The following DLG5 variants were observed in gnomAD, a reference collection of about 807,000 sequenced individuals.
The protein encoded by DLG5 is disks large homolog 5.
DLG5 carries 48 observed loss-of-function variants against 189.8 expected under a neutral mutation model. The ratio of observed to expected loss-of-function variants is 0.25; its 90% CI spans 0.20 to 0.32. DLG5 has a LOEUF of 0.32. Among genes scored for constraint, DLG5 ranks in the 10% least tolerant of loss-of-function variants. The pLI is 1.00. For missense variants in DLG5, 2,160 were observed against 2,544.7 expected, an observed-to-expected ratio of 0.85 and a Z score of 3.25; for synonymous variants, 1,016 against 1,054.1, an observed-to-expected ratio of 0.96 and a Z score of 0.70.
At chr10:77,852,509 G>A (rs1431143767) in intron 5 of DLG5, among the ~76,000 whole-genome samples, 5 of 152,062 alleles carry the variant, frequency 3.3e-5, no homozygotes, top group East Asian at 3.9e-4. Flanking sequence ...TCTGCCTGCC[G>A]GGTTCACGCC....
intron 1 of DLG5, among the ~76,000 whole-genome samples, chr10:77,923,460 C>A (rs1194555915): frequency 6.6e-6 from 1 of 152,178 alleles, no homozygotes; most frequent in African/African-American, 2.4e-5. Context: ...TTACCCTTCA[C>A]AAAGGAGCCT....
intron 1 of DLG5, among the ~76,000 whole-genome samples, chr10:77,916,324 CTT>C (rs1293143637): frequency 6.6e-6 from 1 of 151,832 alleles, no homozygotes; most frequent in Non-Finnish European, 1.5e-5. Flanking sequence ...GAGTTTCGCT[CTT>C]GTTGCCCAGG....
intron 5 of DLG5, among the ~76,000 whole-genome samples, chr10:77,851,494 G>A (rs1372368619): frequency 6.6e-6 from 1 of 152,170 alleles, no homozygotes; most frequent in Admixed American, 6.5e-5. Context: ...TGCAGCAGGT[G>A]CGAGAAGGGA....
At position 77,816,623 on chromosome 10, in the gene DLG5, G is replaced by C; in HGVS notation, c.3953C>G (p.Ser1318Cys). The change falls in exon 20 of 32, where the codon TCC becomes TGC. Residue 1318 changes from serine (S) to cysteine (C), a missense_variant. Ser to Cys is a moderately radical substitution (Grantham distance 112). Transcript: ENST00000372391. The stretch of plus-strand genomic sequence containing the variant: ...GGGCAATGTGGAGGCTGAGGTCTGG[G>C]ACTGGCTACAAGAGGACAGGGTGTC... ...NIDTLSSCSQ[S>C]QTSASTLPRI... The C allele has an allele frequency of 1.2e-6, 2 of 1,614,202 alleles. No homozygotes were observed. Among genetic ancestry groups the C allele is most frequent in the Non-Finnish European group, 1.7e-6 (2 of 1,180,018 alleles).
rs1491412699 is a variant in DLG5 at position 77,825,415 on chromosome 10, C to CACACAG, written c.2290-940_2290-939insCTGTGT. Among the ~76,000 whole-genome samples, 495 of 148,270 alleles carry CACACAG rather than the reference C, an allele frequency of 3.3e-3. 4 individuals are homozygous for CACACAG. The highest frequency in any genetic ancestry group is 0.012 in the African/African-American group (476 of 40,374). ...ACACACACACACACACACACACACACAGTACCAATGTCAATATGCTAGCTT... is the reference window on the plus strand; with the variant it reads ...ACACACACACACACACACACACACACACACAGAGTACCAATGTCAATATGCTAGCTT... On this transcript the variant is annotated intron_variant, in intron 13 of 31. Coordinates refer to ENST00000372391, the MANE Select transcript of DLG5 (RefSeq NM_004747.4).
chr10:77,813,887 G>C (rs1343962019), intron 20 of DLG5, among the ~76,000 whole-genome samples: 1 of 152,236 alleles, frequency 6.6e-6, no homozygotes, highest in African/African-American at 2.4e-5. Flanking sequence ...AAAAGTATGT[G>C]TGGATTTATG....
chr10:77,842,230 G>C (rs879089734), intron 6 of DLG5, 37 bp from the exon 7 acceptor site: 2 of 1,578,180 alleles, frequency 1.3e-6, no homozygotes, highest in Non-Finnish European at 8.6e-7. Flanking sequence ...GAAGGGCGGG[G>C]GCCCTGCCCG....
intron 7 of DLG5, among the ~76,000 whole-genome samples, chr10:77,838,659 G>A (rs971725133): frequency 2.0e-5 from 3 of 152,222 alleles, no homozygotes; most frequent in African/African-American, 7.2e-5. Flanking sequence ...GTGCAAGCAC[G>A]ATGCCAGAAA....
intron 2 of DLG5, 31 bp from the exon 3 acceptor site, chr10:77,856,923 T>G (rs1844264063): frequency 6.3e-7 from 1 of 1,595,808 alleles, no homozygotes; most frequent in East Asian, 2.3e-5. Flanking sequence ...AGTGAACTTG[T>G]GTTCATCTGG....
chr10:77,835,351 G>A (rs1179521936), intron 8 of DLG5, among the ~76,000 whole-genome samples: 1 of 152,152 alleles, frequency 6.6e-6, no homozygotes, highest in African/African-American at 2.4e-5. Context: ...CTCTCCCAAG[G>A]TCTCCTTGCT....
At chr10:77,809,848 G>T (rs1841673053) in intron 23 of DLG5, 118 bp from the exon 24 acceptor site, 1 of 1,202,658 alleles carries the variant, frequency 8.3e-7, no homozygotes, top group Non-Finnish European at 1.2e-6. Flanking sequence ...AGAACCACAG[G>T]GAGCTGAGAG....
intron 14 of DLG5, among the ~76,000 whole-genome samples, chr10:77,823,626 G>A (rs1226696499): frequency 6.6e-6 from 1 of 151,588 alleles, no homozygotes; most frequent in Non-Finnish European, 1.5e-5. Context: ...CGCCTCCTGG[G>A]TTCAAGCGAT....
rs149868054 is a variant in DLG5, at chr10:77,792,194, G to A, written c.*246C>T. The A allele has an allele frequency of 9.1e-6, 5 of 549,632 alleles. No homozygotes were observed. The highest frequency in any genetic ancestry group is 3.0e-5 in the East Asian group (1 of 33,030). 34.0% of individuals were successfully genotyped at this position (549,632 alleles called of 1,614,324 possible). ...CTAAAGAAAGGTGGGTGCTGAACCC[G>A]TCTTTAGTGTTATCTGTTTTGTGTT... On this transcript the variant is annotated 3_prime_UTR_variant, in exon 32 of 32. Coordinates refer to ENST00000372391, the MANE Select transcript of DLG5 (RefSeq NM_004747.4).
rs759697512 is a variant in DLG5, at chr10:77,843,684, G to C, written c.887C>G (p.Ser296Cys). 2 of 1,613,934 alleles carry C rather than the reference G, an allele frequency of 1.2e-6. No homozygotes were observed. Among genetic ancestry groups the C allele is most frequent in the South Asian group, 2.2e-5 (2 of 91,058 alleles). ...QQQVLKHNGS[S>C]EILNKLYDTA... ...GTCATACAGTTTGTTGAGAATCTCG[G>C]ATGACCCGTTGTGCTTCAACACCTG... is the stretch of plus-strand genomic sequence containing the variant. The change falls in exon 6 of 32, where the codon TCC (serine) becomes TGC (cysteine). Residue 296 changes from serine (S) to cysteine (C), a missense_variant. By Grantham distance (112) the Ser-to-Cys change is moderately radical. Transcript: ENST00000372391.
At chr10:77,863,084 C>T (rs111331797) in intron 2 of DLG5, among the ~76,000 whole-genome samples, 7,840 of 152,106 alleles carry the variant, frequency 0.052, 673 homozygotes, top group African/African-American at 0.18. Flanking sequence ...ATGAACATAA[C>T]CTTAACAAAA....
intron 2 of DLG5, chr10:77,868,808 G>A (rs1844788897): frequency 2.6e-6 from 1 of 385,180 alleles, no homozygotes; most frequent in South Asian, 2.8e-5. Context: ...AGTCTCCTGG[G>A]CAGTGGTCAC....
At chr10:77,820,609 G>A (rs1027920421) in intron 15 of DLG5, 15 of 180,596 alleles carry the variant, frequency 8.3e-5, no homozygotes, top group Non-Finnish European at 1.2e-4. Context: ...GCCCGATGTG[G>A]AGGGCTGTGC....
At chr10:77,834,355 G>A (rs1046352325) in intron 8 of DLG5, among the ~76,000 whole-genome samples, 2 of 152,108 alleles carry the variant, frequency 1.3e-5, no homozygotes, top group African/African-American at 2.4e-5. Context: ...CACACTCACT[G>A]TTCTAATGCC....
At chr10:77,857,791 A>G (rs61855795) in intron 2 of DLG5, among the ~76,000 whole-genome samples, 5,515 of 152,292 alleles carry the variant, frequency 0.036, 154 homozygotes, top group Non-Finnish European at 0.049. Flanking sequence ...ATCAACCCTT[A>G]GAGACCCTTG....
Sources: gnomAD v4.1 joint callset for allele counts (sites outside exome capture counted in the v4.1 genomes callset) on GRCh38, gnomAD v4.1.1 for gene constraint, MANE v1.5 for transcripts, NCBI Gene and HGNC (gene_info 2026-07-23, HGNC 2026-07-21) for gene names.